RAPGEF2: variants seen among roughly 807,000 people sequenced by gnomAD.
RAPGEF2 encodes the protein PDZ domain containing guanine nucleotide exchange factor (GEF) 1.
RAPGEF2 carries 54 observed loss-of-function variants against 186.7 expected under a neutral mutation model. The observed-to-expected ratio is 0.29, with a 90% confidence interval of 0.23 to 0.36. RAPGEF2 has a LOEUF of 0.36. Ranked by LOEUF, RAPGEF2 falls within the 10% of genes least tolerant of loss-of-function variation. The probability of loss-of-function intolerance (pLI) is 1.00; values close to 1 mark genes in which losing one functional copy is unlikely to be tolerated. For synonymous variants in RAPGEF2, 712 were observed against 705.9 expected (o/e 1.01, Z -0.14); for missense variants, 1,532 against 2,045.0 (o/e 0.75, Z 4.84).
chr4:159,303,442 T>C (rs978853983), intron 7 of RAPGEF2, among the ~76,000 whole-genome samples: 2 of 152,174 alleles, frequency 1.3e-5, no homozygotes, highest in African/African-American at 4.8e-5. Flanking sequence ...TATTTTGAAA[T>C]GCTGTTTCAT....
At chr4:159,251,004 C>T (rs1755285284) in intron 7 of RAPGEF2, among the ~76,000 whole-genome samples, 1 of 152,228 alleles carries the variant, frequency 6.6e-6, no homozygotes, top group Admixed American at 6.5e-5. Flanking sequence ...GCTTAGCAGG[C>T]CCTGCACTCA....
intron 26 of RAPGEF2, chr4:159,350,998 T>A: frequency 6.9e-7 from 1 of 1,457,650 alleles, no homozygotes; most frequent in Non-Finnish European, 9.3e-7. Context: ...TGTATGGGTA[T>A]CAGTCTCTCC....
At chr4:159,258,401 G>A (rs1246897026) in intron 7 of RAPGEF2, among the ~76,000 whole-genome samples, 2 of 151,992 alleles carry the variant, frequency 1.3e-5, no homozygotes, top group Non-Finnish European at 2.9e-5. Flanking sequence ...ATATTGAGAT[G>A]GTCTTCTATA....
rs933279961 is a variant in RAPGEF2 at position 159,103,462 on chromosome 4, C to T, written c.-701C>T. ...GCGGCGGCGGCGGCGGCTGGGCGGC[C>T]CGAGGGGATGCAGCAGCAGTCGGGA... On this transcript the variant is annotated 5_prime_UTR_variant, in exon 1 of 30. Transcript: ENST00000691494. 8.2e-5 allele frequency: 13 copies of T among 158,128 alleles called. No homozygotes were observed. Among genetic ancestry groups the T allele is most frequent in the African/African-American group, 3.1e-4 (13 of 41,452 alleles). The allele number at this position is 158,128 out of a possible 1,614,324, so 9.8% of individuals were successfully genotyped here. A position where few individuals can be genotyped will look rare whatever the true frequency, so the allele number is the denominator to read the frequency against.
At chr4:159,128,921 G>GTGTGT (rs1553996492) in intron 1 of RAPGEF2, 33 of 113,166 alleles carry the variant, frequency 2.9e-4, no homozygotes, top group African/African-American at 1.0e-3. Context: ...ACATATGGGG[G>GTGTGT]GTGTGTGTGT....
At chr4:159,175,683 G>A (rs757702684) in intron 1 of RAPGEF2, among the ~76,000 whole-genome samples, 2 of 152,128 alleles carry the variant, frequency 1.3e-5, no homozygotes, top group Non-Finnish European at 2.9e-5. Flanking sequence ...CTGCTTTTGG[G>A]TTCTAGGAAG....
chr4:159,205,646 G>A (rs1749893729), intron 3 of RAPGEF2, among the ~76,000 whole-genome samples: 1 of 152,122 alleles, frequency 6.6e-6, no homozygotes, highest in African/African-American at 2.4e-5. Flanking sequence ...GTGTTCATGA[G>A]ATCTGGTGGT....
chr4:159,198,314 CTTTCTTTCTTTCTTTCTTTCTT>C lies in RAPGEF2; in HGVS notation c.197+5068_197+5089del, dbSNP rs1166968543. Among the ~76,000 whole-genome samples the C allele has an allele frequency of 4.4e-5, 3 of 68,928 alleles. 1 individual carries two copies. Among genetic ancestry groups the C allele is most frequent in the Non-Finnish European group, 9.5e-5 (3 of 31,440 alleles). The allele number at this position is 68,928 out of a possible 152,430, so 45.2% of individuals were successfully genotyped here. ...TCTTTCTTTCTTTCTTTCTTTCTTT[CTTTCTTTCTTTCTTTCTTTCTT>C]TTTCTTTCTCTCTCTTTCCTTCCTT... On this transcript the variant is annotated intron_variant, in intron 3 of 29. Transcript: ENST00000691494.
In RAPGEF2 at chr4:159,349,475, G is replaced by T. The variant is rs148964441; in HGVS notation, c.3713-662G>T. On this transcript the variant is annotated intron_variant, in intron 25 of 29. Coordinates refer to ENST00000691494, the MANE Select transcript of RAPGEF2 (RefSeq NM_001394067.2). ...ATAATTTTTCCTCCACTCTCATCCT[G>T]TTGGATCCTGCACGTGGTGCTGGCT... 5.0e-5 allele frequency among the ~76,000 whole-genome samples: 7 copies of T among 139,994 alleles called. No homozygotes were observed. The East Asian group carries it at 1.4e-3, about 27-fold the overall frequency. The allele number at this position is 139,994 out of a possible 152,430, so 91.8% of individuals were successfully genotyped here.
intron 7 of RAPGEF2, among the ~76,000 whole-genome samples, chr4:159,261,002 G>A (rs573857380): frequency 5.9e-5 from 9 of 152,060 alleles, no homozygotes; most frequent in East Asian, 5.8e-4. Context: ...CTTCCGCCTC[G>A]CCTTGGCCTC....
At chr4:159,354,203 CAATAGTGGTT>C (rs1259027399) in intron 28 of RAPGEF2, among the ~76,000 whole-genome samples, 157 bp downstream of exon 28, 2 of 152,108 alleles carry the variant, frequency 1.3e-5, no homozygotes, top group African/African-American at 4.8e-5. Context: ...TCTTTGAAAT[CAATAGTGGTT>C]AAGAGCCCAG....
At chr4:159,290,622 G>A (rs1281773180) in intron 7 of RAPGEF2, among the ~76,000 whole-genome samples, 13 of 152,148 alleles carry the variant, frequency 8.5e-5, no homozygotes, top group Admixed American at 8.5e-4. Context: ...ATCAATCATG[G>A]CAGGTGACTG....
At chr4:159,224,658 G>C (rs150194804) in intron 4 of RAPGEF2, among the ~76,000 whole-genome samples, 71 of 152,196 alleles carry the variant, frequency 4.7e-4, no homozygotes, top group African/African-American at 1.5e-3. Context: ...AATCAGATTC[G>C]AACAGAGAGG....
intron 17 of RAPGEF2, among the ~76,000 whole-genome samples, chr4:159,336,668 G>C (rs1419831779): frequency 6.6e-6 from 1 of 151,660 alleles, no homozygotes; most frequent in African/African-American, 2.4e-5. Context: ...ATGTGAAATT[G>C]TCTCTAGTTT....
At chr4:159,108,383 CTTTTTTTTTTTT>C (rs35882271) in intron 1 of RAPGEF2, among the ~76,000 whole-genome samples, 2 of 107,910 alleles carry the variant, frequency 1.9e-5, no homozygotes, top group African/African-American at 3.3e-5. Context: ...ACAGAACTTT[CTTTTTTTTTTTT>C]TTTTTTTTTT....
At chr4:159,188,404 C>G (rs1747765592) in intron 2 of RAPGEF2, among the ~76,000 whole-genome samples, 1 of 152,034 alleles carries the variant, frequency 6.6e-6, no homozygotes, top group African/African-American at 2.4e-5. Context: ...TGGCTCATGC[C>G]TGTAATCCCA....
At chr4:159,267,100 G>A in intron 7 of RAPGEF2, 1 of 1,165,762 alleles carries the variant, frequency 8.6e-7, no homozygotes, top group African/African-American at 1.6e-5. Flanking sequence ...GGGAGGGTGA[G>A]AGAGAAATCC....
chr4:159,143,797 T>C (rs560085189), intron 1 of RAPGEF2, among the ~76,000 whole-genome samples: 1 of 152,314 alleles, frequency 6.6e-6, no homozygotes, highest in African/African-American at 2.4e-5. Context: ...AGCAAATGCC[T>C]GCCTTTTTGA....
intron 7 of RAPGEF2, among the ~76,000 whole-genome samples, chr4:159,289,132 A>G (rs1025408502): frequency 6.6e-6 from 1 of 152,078 alleles, no homozygotes; most frequent in African/African-American, 2.4e-5. Context: ...TTAAGGGTGT[A>G]AGTTTCAGGG....
Sources: allele counts gnomAD v4.1 joint callset (sites outside exome capture counted in the v4.1 genomes callset), GRCh38; gene constraint gnomAD v4.1.1; transcripts MANE v1.5; gene names NCBI Gene and HGNC (gene_info 2026-07-23, HGNC 2026-07-21).